The following SPTA1 variants were observed in gnomAD, a reference collection of about 807,000 sequenced individuals.
SPTA1 encodes spectrin alpha, erythrocytic 1.
Under a neutral mutation model 324.7 loss-of-function variants are expected in SPTA1, and 177 were observed. The observed-to-expected ratio is 0.55, with a 90% CI of 0.48 to 0.62. SPTA1 has a LOEUF of 0.62. SPTA1 is among the 20% of genes least tolerant of loss of function. SPTA1 has a pLI of 0.00. For missense variants in SPTA1, 3,162 were observed against 2,883.6 expected, an observed-to-expected ratio of 1.10 and a Z score of -2.21; for synonymous variants, 1,195 against 1,041.3, an observed-to-expected ratio of 1.15 and a Z score of -2.84.
At chr1:158,663,906 A>G (rs1653419910) in intron 16 of SPTA1, among the ~76,000 whole-genome samples, 1 of 152,198 alleles carries the variant, frequency 6.6e-6, no homozygotes. Flanking sequence ...AACATCTGGC[A>G]CTTTGTTTTA....
chr1:158,663,890 C>T (rs542605901), intron 16 of SPTA1, among the ~76,000 whole-genome samples: 2 of 152,270 alleles, frequency 1.3e-5, no homozygotes, highest in East Asian at 1.9e-4. Flanking sequence ...TCTTCAAGAA[C>T]AGAGAAACAT....
chr1:158,674,158 A>G (rs553728463), intron 10 of SPTA1, among the ~76,000 whole-genome samples, 171 bp downstream of exon 10: 1 of 152,172 alleles, frequency 6.6e-6, no homozygotes, highest in Non-Finnish European at 1.5e-5. Context: ...CCCATGGATA[A>G]TAAGTGATAA....
At chr1:158,655,644 T>C (rs1487225650) in intron 20 of SPTA1, among the ~76,000 whole-genome samples, 11 of 152,192 alleles carry the variant, frequency 7.2e-5, no homozygotes, top group Admixed American at 7.2e-4. Context: ...CGTCTTTTGT[T>C]TACTCTGAAT....
At position 158,626,999 on chromosome 1, in the gene SPTA1, C is replaced by T. The variant is rs1384831254; in HGVS notation, c.5673G>A (p.Gln1891=). The change falls in exon 41 of 52, where the codon CAG becomes CAA. Residue 1891 remains glutamine, a synonymous_variant. Coordinates refer to ENST00000643759, the MANE Select transcript of SPTA1 (RefSeq NM_003126.4). ...AAATCTCTTTGTTCTGACTTTCCTC[C>T]TGCAACACCTGTGAGAAGGGGAGAG... ...QGEDILNKVL[Q]EESQNKEISS... is the part of the protein sequence containing the mutation. 2.5e-6 allele frequency: 4 copies of T among 1,613,640 alleles called. No homozygotes were observed. The South Asian group carries it at 4.4e-5, about 18-fold the overall frequency.
intron 33 of SPTA1, among the ~76,000 whole-genome samples, chr1:158,641,242 G>C (rs112923943): frequency 0.023 from 3,481 of 152,176 alleles, 127 homozygotes; most frequent in African/African-American, 0.079. Flanking sequence ...TCAGGACATA[G>C]GCATGGGCAA....
At chr1:158,627,756 C>T in intron 39 of SPTA1, 33 bp from the exon 40 acceptor site, 2 of 1,593,900 alleles carry the variant, frequency 1.3e-6, no homozygotes, top group South Asian at 2.2e-5. Context: ...ATTAAGATAT[C>T]CAAAGCCGGA....
chr1:158,626,727 T>G, intron 41 of SPTA1, 112 bp downstream of exon 41: 1 of 1,356,960 alleles, frequency 7.4e-7, no homozygotes, highest in Non-Finnish European at 1.0e-6. Context: ...GAATGGGTAG[T>G]GATGGAAACA....
chr1:158,623,254 G>GTGGAACCCAGAT, intron 42 of SPTA1, 62 bp from the exon 43 acceptor site: 2 of 1,383,800 alleles, frequency 1.4e-6, no homozygotes, highest in Non-Finnish European at 2.1e-6. Flanking sequence ...TTCACATCTG[G>GTGGAACCCAGAT]GTTCCACCAG....
chr1:158,671,491 A>G (rs1654023049), intron 11 of SPTA1, 38 bp from the exon 12 acceptor site: 1 of 1,518,088 alleles, frequency 6.6e-7, no homozygotes, highest in African/African-American at 1.4e-5. Context: ...GCTGTGTCTG[A>G]CCGGTAAGAA....
rs186829877 is a variant in SPTA1 at position 158,659,481 on chromosome 1, A to C, written c.2588-1787T>G. On this transcript the variant is annotated intron_variant, in intron 18 of 51. Coordinates refer to ENST00000643759, the MANE Select transcript of SPTA1 (RefSeq NM_003126.4). ...CTTTGAAAGAAAAGAATGTACAAGC[A>C]TATACTCCATTAGACAGAACAGTGA... 2.4e-3 allele frequency among the ~76,000 whole-genome samples: 367 copies of C among 152,054 alleles called. 2 individuals are homozygous for C. The highest frequency in any genetic ancestry group is 3.8e-3 in the Non-Finnish European group (259 of 67,958).
At chr1:158,662,618 C>T in intron 17 of SPTA1, 84 bp downstream of exon 17, 2 of 1,592,040 alleles carry the variant, frequency 1.3e-6, no homozygotes, top group Non-Finnish European at 1.7e-6. Flanking sequence ...GCTTTCTAGA[C>T]TCCAACTACT....
chr1:158,668,252 C>T (rs899428145), intron 14 of SPTA1, among the ~76,000 whole-genome samples, 190 bp from the exon 15 acceptor site: 1 of 152,166 alleles, frequency 6.6e-6, no homozygotes, highest in Admixed American at 6.6e-5. Flanking sequence ...ATGTGGCAGA[C>T]ATGGCGAACT....
Position 158,671,448 on chromosome 1 carries a change from G to A in SPTA1, c.1494C>T (p.Phe498=), listed in dbSNP as rs1460664825. 1 of 1,612,498 alleles carries A rather than the reference G, an allele frequency of 6.2e-7. No individual in the cohort carries two copies. Among genetic ancestry groups the A allele is most frequent in the African/African-American group, 1.3e-5 (1 of 74,966 alleles). Residue 498 remains phenylalanine, a synonymous_variant, in exon 12 of 52, where the codon TTC becomes TTT. Coordinates refer to ENST00000643759, the MANE Select transcript of SPTA1 (RefSeq NM_003126.4). ...VDSWMSRQEA[F]LENEDLGNSL... ...AGTTTCCCAGATCCTCGTTTTCCAG[G>A]AAGGCCTGTAGAAGACAGAAAGACA...
In SPTA1 at chr1:158,668,040, C is replaced by T. The variant is rs1278764483; in HGVS notation, c.1856G>A (p.Arg619Lys). The change falls in exon 15 of 52, where the codon AGG (arginine) becomes AAG (lysine). Residue 619 changes from arginine to lysine, a missense_variant. By Grantham distance (26) the Arg-to-Lys change is conservative. Coordinates refer to ENST00000643759, the MANE Select transcript of SPTA1 (RefSeq NM_003126.4). ...DYKDIQNLKSRVQKQQVFEKE... is the reference protein window; with the variant it reads ...DYKDIQNLKSKVQKQQVFEKE... ...TTCAAAGACTTGCTGCTTTTGAACC[C>T]TGCTCTTCAAGTTCTGTATGTCCTG... is the stretch of plus-strand genomic sequence containing the variant. The T allele has an allele frequency of 1.2e-6, 2 of 1,611,572 alleles. No individual in the cohort carries two copies. The highest frequency in any genetic ancestry group is 3.4e-5 in the Admixed American group (2 of 59,688).
Position 158,620,420 on chromosome 1 carries a change from T to G in SPTA1, c.6167A>C (p.Asn2056Thr). The part of the protein sequence containing the change: ...VEFAHKASAL[N>T]NWCEKMEENL... ...TTCTTCCATCTTTTCACACCAGTTGTTCAAAGCTGAAGCCTTATGTGCAAA... is the reference window on the plus strand; with the variant it reads ...TTCTTCCATCTTTTCACACCAGTTGGTCAAAGCTGAAGCCTTATGTGCAAA... Residue 2056 changes from asparagine to threonine, a missense_variant, in exon 44 of 52, where the codon AAC becomes ACC. Asn to Thr is a moderately conservative substitution (Grantham distance 65). Coordinates refer to ENST00000643759, the MANE Select transcript of SPTA1 (RefSeq NM_003126.4). The G allele has an allele frequency of 6.2e-7, 1 of 1,613,660 alleles. No homozygotes were observed. The highest frequency in any genetic ancestry group is 8.5e-7 in the Non-Finnish European group (1 of 1,180,018).
At chr1:158,665,613 C>T (rs1485386051) in intron 16 of SPTA1, among the ~76,000 whole-genome samples, 3 of 152,106 alleles carry the variant, frequency 2.0e-5, no homozygotes, top group African/African-American at 7.2e-5. Flanking sequence ...AAATAAGAGT[C>T]TGTTATGATG....
intron 45 of SPTA1, 83 bp from the exon 46 acceptor site, chr1:158,618,139 T>C (rs1336138251): frequency 2.2e-6 from 3 of 1,359,450 alleles, no homozygotes; most frequent in Non-Finnish European, 3.2e-6. Context: ...AAGATCTCAT[T>C]TCCTCAGATT....
chr1:158,664,551 C>A (rs756933596), intron 16 of SPTA1, among the ~76,000 whole-genome samples: 1 of 152,064 alleles, frequency 6.6e-6, no homozygotes, highest in Non-Finnish European at 1.5e-5. Flanking sequence ...CTAATGCATG[C>A]AGGGCTTAAA....
intron 14 of SPTA1, among the ~76,000 whole-genome samples, chr1:158,668,925 C>T (rs1653804184): frequency 6.6e-6 from 1 of 152,114 alleles, no homozygotes; most frequent in African/African-American, 2.4e-5. Flanking sequence ...GTTTCTTTAA[C>T]TATAAAATAA....
Sources: gnomAD v4.1 joint callset for allele counts (sites outside exome capture counted in the v4.1 genomes callset) on GRCh38, gnomAD v4.1.1 for gene constraint, MANE v1.5 for transcripts, NCBI Gene and HGNC (gene_info 2026-07-23, HGNC 2026-07-21) for gene names.